Variants in LHFPL3 observed in about 807,000 individuals in gnomAD.
LHFPL3 encodes the protein LHFPL tetraspan subfamily member 3.
Under a neutral mutation model 19.3 loss-of-function variants are expected in LHFPL3, and 5 were observed. That is an observed-to-expected ratio of 0.26 (90% CI 0.14 to 0.54). LHFPL3 has a LOEUF of 0.54. LHFPL3 is among the 20% of genes least tolerant of loss of function. The pLI is 0.94. For synonymous variants in LHFPL3, 133 were observed against 126.2 expected, an observed-to-expected ratio of 1.05 and a Z score of -0.36; for missense variants, 249 against 307.4, an observed-to-expected ratio of 0.81 and a Z score of 1.42.
chr7:104,623,493 G>A (rs1370868300), intron 1 of LHFPL3, among the ~76,000 whole-genome samples: 1 of 120,842 alleles, frequency 8.3e-6, no homozygotes, highest in Non-Finnish European at 1.9e-5. Flanking sequence ...AGCCGGGCAT[G>A]GTGGTGCATG....
At chr7:104,714,947 A>G (rs1793360762) in intron 1 of LHFPL3, among the ~76,000 whole-genome samples, 2 of 152,156 alleles carry the variant, frequency 1.3e-5, no homozygotes, top group Non-Finnish European at 2.9e-5. Flanking sequence ...ACATATCTAT[A>G]TTTATAGGTA....
chr7:104,375,172 C>A (rs538044846), intron 1 of LHFPL3, among the ~76,000 whole-genome samples: 156 of 152,206 alleles, frequency 1.0e-3, no homozygotes, highest in Non-Finnish European at 2.1e-3. Flanking sequence ...AACCCCGTCT[C>A]TACTGAAAAT....
intron 2 of LHFPL3, among the ~76,000 whole-genome samples, chr7:104,877,633 G>A (rs927562573): frequency 6.6e-6 from 1 of 152,120 alleles, no homozygotes; most frequent in Admixed American, 6.6e-5. Flanking sequence ...TGTTGATGAA[G>A]ATATGGAGAA....
At chr7:104,337,440 A>G (rs888258781) in intron 1 of LHFPL3, among the ~76,000 whole-genome samples, 2 of 152,180 alleles carry the variant, frequency 1.3e-5, no homozygotes, top group Admixed American at 6.5e-5. Context: ...TGCAAATCCC[A>G]GTTTTTAAGA....
At chr7:104,456,026 G>C (rs59222932) in intron 1 of LHFPL3, among the ~76,000 whole-genome samples, 279 of 152,290 alleles carry the variant, frequency 1.8e-3, no homozygotes, top group African/African-American at 6.3e-3. Flanking sequence ...TTTGTTTTCT[G>C]TATCTGTCAG....
chr7:104,430,422 A>ATATATATATATG (rs1791961397), intron 1 of LHFPL3, among the ~76,000 whole-genome samples: 1 of 10,848 alleles, frequency 9.2e-5, no homozygotes, highest in Non-Finnish European at 2.0e-4. Context: ...ATATATACAT[A>ATATATATATATG]TATATATATA....
At chr7:104,460,469 A>C (rs79784053) in intron 1 of LHFPL3, among the ~76,000 whole-genome samples, 4 of 152,188 alleles carry the variant, frequency 2.6e-5, no homozygotes, top group Non-Finnish European at 4.4e-5. Flanking sequence ...TCCCACCAAC[A>C]GTGTATAAGT....
At chr7:104,412,252 C>A (rs1321309855) in intron 1 of LHFPL3, among the ~76,000 whole-genome samples, 2 of 152,078 alleles carry the variant, frequency 1.3e-5, no homozygotes, top group South Asian at 4.1e-4. Context: ...TGGCTCTCTC[C>A]ATTTTTCAGA....
At chr7:104,422,362 A>AACAACAAC (rs1791747965) in intron 1 of LHFPL3, among the ~76,000 whole-genome samples, 2 of 151,582 alleles carry the variant, frequency 1.3e-5, no homozygotes, top group African/African-American at 4.9e-5. Context: ...CTCTGTCTCA[A>AACAACAAC]AACAACAACA....
At chr7:104,480,561 GTTAT>G (rs1488689793) in intron 1 of LHFPL3, among the ~76,000 whole-genome samples, 1 of 152,180 alleles carries the variant, frequency 6.6e-6, no homozygotes, top group African/African-American at 2.4e-5. Flanking sequence ...CTGAACATTA[GTTAT>G]TTATTCAGGA....
intron 1 of LHFPL3, among the ~76,000 whole-genome samples, chr7:104,464,532 G>A (rs577813778): frequency 2.9e-4 from 44 of 152,334 alleles, no homozygotes; most frequent in African/African-American, 1.0e-3. Context: ...GGACATCCAG[G>A]CATTTCCATG....
rs533614645 is a variant in LHFPL3 at position 104,484,571 on chromosome 7, T to A, written c.445+155347T>A. ...TTCCTGAGGCAGATGAGGCAAAACA[T>A]CTAAAGTACCTCACACAGAGCAGGA... On this transcript the variant is annotated intron_variant, in intron 1 of 2. Transcript: ENST00000424859. Among the ~76,000 whole-genome samples, 10 of 152,344 alleles carry A rather than the reference T, an allele frequency of 6.6e-5. No homozygotes were observed. The East Asian group carries it at 1.2e-3, about 18-fold the overall frequency.
rs1791070353 is a variant in LHFPL3 at position 104,391,613 on chromosome 7, T to G, written c.445+62389T>G. On this transcript the variant is annotated intron_variant, in intron 1 of 2. Transcript: ENST00000424859. ...CCTTGTAGTATAGTTTGAAGTCAGGTAGTGTGACGCCTCTAGCTTTGTTCT... is the reference window on the plus strand; with the variant it reads ...CCTTGTAGTATAGTTTGAAGTCAGGGAGTGTGACGCCTCTAGCTTTGTTCT... 4.6e-5 allele frequency among the ~76,000 whole-genome samples: 7 copies of G among 152,308 alleles called. No individual in the cohort carries two copies. In the South Asian group the frequency reaches 1.5e-3, roughly 32 times the overall value.
chr7:104,629,970 G>T (rs76496248), intron 1 of LHFPL3, among the ~76,000 whole-genome samples: 100 of 152,242 alleles, frequency 6.6e-4, no homozygotes, highest in East Asian at 2.9e-3. Flanking sequence ...CACATCATTT[G>T]TCAAAAATCA....
intron 1 of LHFPL3, among the ~76,000 whole-genome samples, chr7:104,421,876 C>T (rs950396271): frequency 4.6e-5 from 7 of 152,062 alleles, no homozygotes; most frequent in Non-Finnish European, 1.0e-4. Flanking sequence ...GTGATGAGAT[C>T]GTGAAGGTGG....
At chr7:104,430,450 ATATATTTTTTTTTTTTTT>A (rs1791975247) in intron 1 of LHFPL3, among the ~76,000 whole-genome samples, 2 of 20,842 alleles carry the variant, frequency 9.6e-5, no homozygotes, top group African/African-American at 2.8e-4. Flanking sequence ...ATATATATAT[ATATATTTTTTTTTTTTTT>A]TTTTTTTTTT....
At chr7:104,640,674 T>C (rs1339747606) in intron 1 of LHFPL3, among the ~76,000 whole-genome samples, 1 of 152,248 alleles carries the variant, frequency 6.6e-6, no homozygotes, top group Admixed American at 6.5e-5. Context: ...GACTTTTTAA[T>C]GATCGCCGTT....
At chr7:104,719,197 A>G (rs537624840) in intron 1 of LHFPL3, among the ~76,000 whole-genome samples, 2 of 152,334 alleles carry the variant, frequency 1.3e-5, no homozygotes, top group South Asian at 2.1e-4. Context: ...ATTGATTCAT[A>G]TCTTTATTTA....
intron 2 of LHFPL3, among the ~76,000 whole-genome samples, chr7:104,816,572 A>G (rs1790563464): frequency 6.6e-6 from 1 of 152,156 alleles, no homozygotes; most frequent in Non-Finnish European, 1.5e-5. Context: ...TTCAATTACT[A>G]TCAGCAGTTG....
Sources: allele counts gnomAD v4.1 joint callset (sites outside exome capture counted in the v4.1 genomes callset), GRCh38; gene constraint gnomAD v4.1.1; transcripts MANE v1.5; gene names NCBI Gene and HGNC (gene_info 2026-07-23, HGNC 2026-07-21).